The following JRK variants were observed in gnomAD, a reference collection of about 807,000 sequenced individuals.
JRK encodes Jrk helix-turn-helix protein.
For missense variants in JRK, 720 were observed against 509.2 expected (o/e 1.41, Z -3.98); for synonymous variants, 303 against 218.1 (o/e 1.39, Z -3.43).
intron 1 of JRK, among the ~76,000 whole-genome samples, chr8:142,668,331 G>A (rs1847196729): frequency 6.6e-6 from 1 of 152,202 alleles, no homozygotes; most frequent in Admixed American, 6.5e-5. Flanking sequence ...TGCCACCTCT[G>A]GGTGAGTACT....
At chr8:142,669,493 A>C (rs1847253194) in intron 1 of JRK, among the ~76,000 whole-genome samples, 1 of 152,152 alleles carries the variant, frequency 6.6e-6, no homozygotes, top group Admixed American at 6.5e-5. Context: ...TGTGGGTAGA[A>C]ATTCAGTCTG....
chr8:142,669,174 G>T (rs1554636805), intron 1 of JRK, among the ~76,000 whole-genome samples: 1 of 109,286 alleles, frequency 9.2e-6, no homozygotes, highest in Non-Finnish European at 1.9e-5. Context: ...GTGTGTGTGT[G>T]TGTGTGTGTG....
At position 142,660,833 on chromosome 8, in the gene JRK, T is replaced by G. The variant is rs1486141519; in HGVS notation, c.*3519A>C. On this transcript the variant is annotated 3_prime_UTR_variant, in exon 2 of 2. Coordinates refer to ENST00000612905, the MANE Select transcript of JRK (RefSeq NM_003724.4). The stretch of plus-strand genomic sequence containing the variant: ...AAGAATGGATGCAGTCTACACCTTC[T>G]GCAAACCCCTGCCTCAAACCGTGTC... The G allele has an allele frequency of 2.0e-6, 2 of 985,500 alleles. No individual in the cohort carries two copies. The highest frequency in any genetic ancestry group is 3.5e-5 in the African/African-American group (2 of 57,226). The allele number at this position is 985,500 out of a possible 1,614,324, so 61.0% of individuals were successfully genotyped here.
chr8:142,656,135 C>T (rs1258464794), downstream of JRK, among the ~76,000 whole-genome samples: 1 of 152,190 alleles, frequency 6.6e-6, no homozygotes, highest in African/African-American at 2.4e-5. Flanking sequence ...ATAGGCCATA[C>T]TTTCCTGTTT....
intron 1 of JRK, among the ~76,000 whole-genome samples, chr8:142,667,003 G>A (rs1847147939): frequency 6.6e-6 from 1 of 152,156 alleles, no homozygotes; most frequent in African/African-American, 2.4e-5. Flanking sequence ...ATGCAGGGAG[G>A]AGGAACTCCT....
In JRK at chr8:142,665,903, G is replaced by A. The variant is rs782773474; in HGVS notation, c.156C>T (p.Leu52=). ...GCGCCTTGTGGGCCCTGATGTCGTA[G>A]AGGGTGGACATGCCCACATTGTACT... ...MQEYNVGMST[L]YDIRAHKAQL... The change falls in exon 2 of 2, where the codon CTC becomes CTT. Residue 52 remains leucine, a synonymous_variant. Coordinates refer to ENST00000612905, the MANE Select transcript of JRK (RefSeq NM_003724.4). 1.3e-6 allele frequency: 1 copy of A among 791,340 alleles called. No homozygotes were observed. The highest frequency in any genetic ancestry group is 1.7e-5 in the Admixed American group (1 of 59,008). The allele number at this position is 791,340 out of a possible 1,614,324, so 49.0% of individuals were successfully genotyped here.
In JRK at chr8:142,664,769, G is replaced by A; in HGVS notation, c.1290C>T (p.Gly430=). 1 of 1,589,346 alleles carries A rather than the reference G, an allele frequency of 6.3e-7. No individual in the cohort carries two copies. Among genetic ancestry groups the A allele is most frequent in the Non-Finnish European group, 8.6e-7 (1 of 1,168,614 alleles). The stretch of plus-strand genomic sequence containing the variant: ...TGGCGGCCTGGCGCTGGCGAAGCTG[G>A]CCCGGGCAGGAGGAGCCTTCCTTCA... ...ELVKEGSSCP[G]QLRQRQAASW... The change falls in exon 2 of 2, where the codon GGC becomes GGT. Residue 430 remains glycine (G), a synonymous_variant. Coordinates refer to ENST00000612905, the MANE Select transcript of JRK (RefSeq NM_003724.4).
At position 142,664,944 on chromosome 8, in the gene JRK, G is replaced by C. The variant is rs1191685049; in HGVS notation, c.1115C>G (p.Ala372Gly). The C allele has an allele frequency of 4.9e-6, 4 of 820,770 alleles. No individual in the cohort carries two copies. The highest frequency in any genetic ancestry group is 8.6e-6 in the Non-Finnish European group (4 of 466,640). 50.8% of individuals were successfully genotyped at this position (820,770 alleles called of 1,614,324 possible). ...CCGCCTGAAGACGTGGCTAGGGACT[G>C]CGTTCCAGGCACAGGCCACGCTGAA... ...AIFSVACAWN[A>G]VPSHVFRRAW... Residue 372 changes from alanine (A) to glycine (G), a missense_variant, in exon 2 of 2, where the codon GCA becomes GGA. Transcript: ENST00000612905.
the JRK span, among the ~76,000 whole-genome samples, chr8:142,651,074 GGA>G: frequency 5.3e-5 from 8 of 151,940 alleles, no homozygotes; most frequent in African/African-American, 1.9e-4. Flanking sequence ...GCAAGAGAAA[GGA>G]GAGACAGCAG....
Position 142,661,606 on chromosome 8 carries a change from C to T in JRK, c.*2746G>A, listed in dbSNP as rs1354432698. 1.0e-6 allele frequency: 1 copy of T among 985,502 alleles called. No homozygotes were observed. The highest frequency in any genetic ancestry group is 1.2e-6 in the Non-Finnish European group (1 of 829,976). The allele number at this position is 985,502 out of a possible 1,614,324, so 61.0% of individuals were successfully genotyped here. A position where few individuals can be genotyped will look rare whatever the true frequency, so the allele number is the denominator to read the frequency against. ...TGAGAAGACAGGGAGTGGCTCCAGCCTGGTGCTCACAGATAAAACGCGGAG... is the reference window on the plus strand; with the variant it reads ...TGAGAAGACAGGGAGTGGCTCCAGCTTGGTGCTCACAGATAAAACGCGGAG... On this transcript the variant is annotated 3_prime_UTR_variant, in exon 2 of 2. Transcript: ENST00000612905.
Position 142,661,329 on chromosome 8 carries a change from G to A in JRK, c.*3023C>T. On this transcript the variant is annotated 3_prime_UTR_variant, in exon 2 of 2. Coordinates refer to ENST00000612905, the MANE Select transcript of JRK (RefSeq NM_003724.4). ...ACCCCTGAATTCACCATGCCACCCTGAAAGTATGGCCTCTCCTGGGCATCC... is the reference window on the plus strand; with the variant it reads ...ACCCCTGAATTCACCATGCCACCCTAAAAGTATGGCCTCTCCTGGGCATCC... The A allele has an allele frequency of 8.1e-6, 8 of 985,488 alleles. No individual in the cohort carries two copies. Among genetic ancestry groups the A allele is most frequent in the Non-Finnish European group, 9.6e-6 (8 of 829,962 alleles). 61.0% of individuals were successfully genotyped at this position (985,488 alleles called of 1,614,324 possible). A position where few individuals can be genotyped will look rare whatever the true frequency, so the allele number is the denominator to read the frequency against.
chr8:142,663,591 C>T lies in JRK; in HGVS notation c.*761G>A. The stretch of plus-strand genomic sequence containing the variant: ...CAAAATACCACACAGGGTCCGTGTC[C>T]TCTATCCGGGTGATGAGCAGGGCCT... On this transcript the variant is annotated 3_prime_UTR_variant, in exon 2 of 2. Transcript: ENST00000612905. The T allele has an allele frequency of 1.0e-6, 1 of 985,496 alleles. No individual in the cohort carries two copies. The allele number at this position is 985,496 out of a possible 1,614,324, so 61.0% of individuals were successfully genotyped here.
At chr8:142,649,418 G>T in the JRK span, among the ~76,000 whole-genome samples, 1 of 152,148 alleles carries the variant, frequency 6.6e-6, no homozygotes, top group South Asian at 2.1e-4. Context: ...CTGAGAGTAA[G>T]TAAGTCTCAC....
downstream of JRK, among the ~76,000 whole-genome samples, chr8:142,654,250 C>T (rs1846711297): frequency 1.3e-5 from 2 of 152,136 alleles, no homozygotes. Context: ...CTACTCCAAC[C>T]CTCACAGCAC....
downstream of JRK, among the ~76,000 whole-genome samples, chr8:142,655,489 G>A (rs2129663707): frequency 6.6e-6 from 1 of 152,376 alleles, no homozygotes; most frequent in Admixed American, 6.5e-5. Context: ...GCAGGAGGCT[G>A]GCAGACACAG....
chr8:142,661,083 C>A lies in JRK; in HGVS notation c.*3269G>T, dbSNP rs782062362. ...CAGGGGCAGTCCAGGTGCTCTCCAT[C>A]GCATGCTCAGCCATGGCTGAGCACG... On this transcript the variant is annotated 3_prime_UTR_variant, in exon 2 of 2. Coordinates refer to ENST00000612905, the MANE Select transcript of JRK (RefSeq NM_003724.4). 8 of 985,298 alleles carry A rather than the reference C, an allele frequency of 8.1e-6. No individual in the cohort carries two copies. Among genetic ancestry groups the A allele is most frequent in the Middle Eastern group, 5.2e-4 (1 of 1,938 alleles). The allele number at this position is 985,298 out of a possible 1,614,324, so 61.0% of individuals were successfully genotyped here.
chr8:142,658,826 C>T lies in JRK; in HGVS notation c.*5526G>A, dbSNP rs1554634086. 1 of 1,604,052 alleles carries T rather than the reference C, an allele frequency of 6.2e-7. No individual in the cohort carries two copies. The highest frequency in any genetic ancestry group is 1.3e-5 in the African/African-American group (1 of 74,760). On this transcript the variant is annotated 3_prime_UTR_variant, in exon 2 of 2. Coordinates refer to ENST00000612905, the MANE Select transcript of JRK (RefSeq NM_003724.4). ...GTGGGGACAGAGGGGTCTTACCCAG[C>T]ACTGCCATGTGGCAGAAGTTCTCCA...
downstream of JRK, among the ~76,000 whole-genome samples, chr8:142,655,095 ATCCC>A (rs1554633495): frequency 6.6e-6 from 1 of 152,136 alleles, no homozygotes; most frequent in African/African-American, 2.4e-5. Context: ...CCCAGGCTGG[ATCCC>A]TCTCTGCCTT....
At position 142,660,444 on chromosome 8, in the gene JRK, C is replaced by T; in HGVS notation, c.*3908G>A. 2 of 980,386 alleles carry T rather than the reference C, an allele frequency of 2.0e-6. No individual in the cohort carries two copies. Among genetic ancestry groups the T allele is most frequent in the Non-Finnish European group, 2.4e-6 (2 of 825,322 alleles). The allele number at this position is 980,386 out of a possible 1,614,324, so 60.7% of individuals were successfully genotyped here. A position where few individuals can be genotyped will look rare whatever the true frequency, so the allele number is the denominator to read the frequency against. On this transcript the variant is annotated 3_prime_UTR_variant, in exon 2 of 2. Transcript: ENST00000612905. ...TTAGAGATTAGGTCTCTCACTCTGT[C>T]ACCCAGGCTGGAGTGCAGAGGCCAT...
Sources: gnomAD v4.1 joint callset for allele counts (sites outside exome capture counted in the v4.1 genomes callset) on GRCh38, gnomAD v4.1.1 for gene constraint, MANE v1.5 for transcripts, NCBI Gene and HGNC (gene_info 2026-07-23, HGNC 2026-07-21) for gene names.